Variants in SPATS1 observed in about 807,000 individuals in gnomAD.
The protein encoded by SPATS1 is spermatogenesis-associated serine-rich protein 1.
In SPATS1, 23 loss-of-function variants were observed where a neutral mutation model predicts 33.6. The ratio of observed to expected loss-of-function variants is 0.68; its 90% confidence interval spans 0.49 to 0.97. SPATS1 has a LOEUF of 0.97. Among genes scored for constraint, SPATS1 ranks in the 50% least tolerant of loss-of-function variants. The pLI is 0.00. For missense variants in SPATS1, 327 were observed against 361.0 expected (o/e 0.91, Z 0.76); for synonymous variants, 131 against 125.6 (o/e 1.04, Z -0.29).
chr6:44,370,539 T>C (rs1171954305), intron 7 of SPATS1, among the ~76,000 whole-genome samples: 1 of 152,232 alleles, frequency 6.6e-6, no homozygotes, highest in African/African-American at 2.4e-5. Flanking sequence ...ATATCATTCC[T>C]TTAATTTCAT....
intron 2 of SPATS1, among the ~76,000 whole-genome samples, chr6:44,347,277 G>A (rs1787951334): frequency 6.6e-6 from 1 of 152,116 alleles, no homozygotes; most frequent in Admixed American, 6.5e-5. Context: ...TAATGTAGAC[G>A]ACGGGTTGAT....
chr6:44,366,835 A>G (rs1294848456), intron 5 of SPATS1, among the ~76,000 whole-genome samples: 1 of 152,220 alleles, frequency 6.6e-6, no homozygotes, highest in African/African-American at 2.4e-5. Context: ...TCACATCATT[A>G]TTATTTAGTA....
chr6:44,354,727 T>C (rs1788461127), intron 3 of SPATS1, among the ~76,000 whole-genome samples: 1 of 152,184 alleles, frequency 6.6e-6, no homozygotes, highest in Non-Finnish European at 1.5e-5. Context: ...AAGCCCCTAG[T>C]TTACAATAGG....
chr6:44,364,788 C>CTCTTTCTT lies in SPATS1; in HGVS notation c.574+2810_574+2817dup, dbSNP rs3083980. 1.3e-3 allele frequency among the ~76,000 whole-genome samples: 193 copies of CTCTTTCTT among 143,666 alleles called. No homozygotes were observed. The South Asian group carries it at 0.014, about 11-fold the overall frequency. 94.3% of individuals were successfully genotyped at this position (143,666 alleles called of 152,430 possible). On this transcript the variant is annotated intron_variant, in intron 5 of 8. Transcript: ENST00000674044. ...CTTTTTCTTTTTCTTCTTTTCTTTT[C>CTCTTTCTT]TCTTTCTTTCTTTCTTTCTTTTTTT...
intron 7 of SPATS1, among the ~76,000 whole-genome samples, chr6:44,374,903 G>A (rs987972849): frequency 2.0e-5 from 3 of 152,174 alleles, no homozygotes; most frequent in Non-Finnish European, 4.4e-5. Flanking sequence ...TGTGGTAACC[G>A]TCCTCTTCGT....
At chr6:44,355,831 G>C (rs1027720836) in intron 3 of SPATS1, among the ~76,000 whole-genome samples, 1 of 151,930 alleles carries the variant, frequency 6.6e-6, no homozygotes, top group African/African-American at 2.4e-5. Context: ...CAGCAGTAGT[G>C]GGACCATGTA....
intron 2 of SPATS1, among the ~76,000 whole-genome samples, chr6:44,349,552 TATAAA>T (rs906259553): frequency 3.3e-5 from 5 of 152,208 alleles, no homozygotes; most frequent in South Asian, 2.1e-4. Context: ...CATCAATAAG[TATAAA>T]ATAAAAATTC....
intron 2 of SPATS1, among the ~76,000 whole-genome samples, chr6:44,344,930 A>G (rs1350657784): frequency 2.6e-5 from 4 of 152,132 alleles, no homozygotes; most frequent in Admixed American, 1.3e-4. Context: ...TTCATGATAA[A>G]TGGTGAAACT....
chr6:44,355,799 T>C (rs897816931), intron 3 of SPATS1, among the ~76,000 whole-genome samples: 1 of 152,216 alleles, frequency 6.6e-6, no homozygotes, highest in African/African-American at 2.4e-5. Flanking sequence ...TTAGGTCCTC[T>C]GCAACAGGTG....
At chr6:44,351,793 A>G (rs1353961618) in intron 2 of SPATS1, among the ~76,000 whole-genome samples, 2 of 152,334 alleles carry the variant, frequency 1.3e-5, no homozygotes, top group African/African-American at 4.8e-5. Context: ...TTATTCACTC[A>G]AACATTTATT....
rs1459215955 is a variant in SPATS1, at chr6:44,377,600, A to C, written c.*537A>C. On this transcript the variant is annotated 3_prime_UTR_variant, in exon 9 of 9. Coordinates refer to ENST00000674044, the MANE Select transcript of SPATS1 (RefSeq NM_001372081.1). The stretch of plus-strand genomic sequence containing the variant: ...ATGATGTGAGTGTCTTAGCCTGTTC[A>C]GGCTGCTATAACAAAACGCCATAAA... The C allele has an allele frequency of 1.3e-5, 2 of 157,642 alleles. No homozygotes were observed. The highest frequency in any genetic ancestry group is 4.8e-5 in the African/African-American group (2 of 41,500). 9.8% of individuals were successfully genotyped at this position (157,642 alleles called of 1,614,324 possible).
chr6:44,358,567 C>T (rs1245325327), intron 3 of SPATS1, among the ~76,000 whole-genome samples: 1 of 152,116 alleles, frequency 6.6e-6, no homozygotes, highest in Non-Finnish European at 1.5e-5. Context: ...AATTCACATA[C>T]CTTAAAAGTC....
At position 44,377,244 on chromosome 6, in the gene SPATS1, T is replaced by C. The variant is rs1160362009; in HGVS notation, c.*181T>C. 1.0e-5 allele frequency: 7 copies of C among 667,876 alleles called. No homozygotes were observed. The highest frequency in any genetic ancestry group is 1.5e-5 in the Non-Finnish European group (6 of 390,936). The allele number at this position is 667,876 out of a possible 1,614,324, so 41.4% of individuals were successfully genotyped here. A position where few individuals can be genotyped will look rare whatever the true frequency, so the allele number is the denominator to read the frequency against. Reference sequence around the variant, plus strand: ...CACATTTACATAAAAGTTGCAAGAATTGTACAACAAACACCTGCATATCCT... The same window carrying C: ...CACATTTACATAAAAGTTGCAAGAACTGTACAACAAACACCTGCATATCCT... On this transcript the variant is annotated 3_prime_UTR_variant, in exon 9 of 9. Transcript: ENST00000674044.
chr6:44,368,990 G>A (rs993957868), intron 6 of SPATS1, among the ~76,000 whole-genome samples: 7 of 150,550 alleles, frequency 4.6e-5, no homozygotes, highest in South Asian at 2.1e-4. Context: ...TCTGCCTCCT[G>A]GGTTCATGCC....
chr6:44,370,145 C>T (rs543375330), intron 7 of SPATS1, 32 bp downstream of exon 7: 1 of 1,562,410 alleles, frequency 6.4e-7, no homozygotes, highest in South Asian at 1.1e-5. Flanking sequence ...TGTGTTATCC[C>T]ATCTTTATTA....
intron 2 of SPATS1, 140 bp from the exon 3 acceptor site, chr6:44,352,586 G>C: frequency 1.4e-6 from 1 of 701,086 alleles, no homozygotes; most frequent in Non-Finnish European, 2.4e-6. Context: ...ATGTGTAAAG[G>C]TGTTGACATA....
chr6:44,353,214 A>C (rs1251568574), intron 3 of SPATS1, among the ~76,000 whole-genome samples: 1 of 152,216 alleles, frequency 6.6e-6, no homozygotes, highest in Non-Finnish European at 1.5e-5. Context: ...AAATAAGTGA[A>C]ACTATATATT....
intron 1 of SPATS1, 144 bp downstream of exon 1, chr6:44,342,912 T>TCC: frequency 8.0e-7 from 1 of 1,244,000 alleles, no homozygotes; most frequent in South Asian, 1.4e-5. Context: ...TCGCTGGGGC[T>TCC]CCCAGGGCTT....
intron 4 of SPATS1, chr6:44,361,200 A>C: frequency 1.2e-5 from 4 of 336,390 alleles, no homozygotes; most frequent in Non-Finnish European, 1.7e-5. Context: ...AAGCACCCCT[A>C]GAGCTACTAG....
Sources: allele counts gnomAD v4.1 joint callset (sites outside exome capture counted in the v4.1 genomes callset), GRCh38; gene constraint gnomAD v4.1.1; transcripts MANE v1.5; gene names NCBI Gene and HGNC (gene_info 2026-07-23, HGNC 2026-07-21).